Variants in MACROD2 observed in about 807,000 individuals in gnomAD.
MACROD2 encodes mono-ADP ribosylhydrolase 2.
Under a neutral mutation model 70.4 loss-of-function variants are expected in MACROD2, and 36 were observed. The ratio of observed to expected loss-of-function variants is 0.51; its 90% CI spans 0.39 to 0.68. The LOEUF is 0.68. Ranked by LOEUF, MACROD2 falls within the 30% of genes least tolerant of loss-of-function variation. The pLI is 0.00. For synonymous variants in MACROD2, 172 were observed against 178.8 expected (o/e 0.96, Z 0.30); for missense variants, 496 against 538.4 (o/e 0.92, Z 0.78).
At chr20:14,246,565 G>C (rs2081969713) in intron 3 of MACROD2, among the ~76,000 whole-genome samples, 1 of 152,064 alleles carries the variant, frequency 6.6e-6, no homozygotes, top group African/African-American at 2.4e-5. Flanking sequence ...CTGCCTCCTA[G>C]TTCTGCTTCT....
At chr20:14,270,563 T>A (rs1204285988) in intron 3 of MACROD2, among the ~76,000 whole-genome samples, 2 of 138,280 alleles carry the variant, frequency 1.4e-5, no homozygotes, top group African/African-American at 5.4e-5. Flanking sequence ...CACTCCAGCC[T>A]GGCAACAGAG....
intron 13 of MACROD2, among the ~76,000 whole-genome samples, chr20:15,974,015 C>T (rs139621407): frequency 1.4e-3 from 220 of 152,270 alleles, no homozygotes; most frequent in African/African-American, 5.0e-3. Flanking sequence ...AAATAGACTA[C>T]GGATGACATG....
intron 5 of MACROD2, among the ~76,000 whole-genome samples, chr20:15,195,942 G>A (rs1394439340): frequency 6.6e-6 from 1 of 152,156 alleles, no homozygotes; most frequent in Non-Finnish European, 1.5e-5. Context: ...GATATAGATG[G>A]AGCTGGAAAC....
intron 3 of MACROD2, among the ~76,000 whole-genome samples, chr20:14,193,860 G>A (rs2081408841): frequency 6.6e-6 from 1 of 152,124 alleles, no homozygotes; most frequent in Admixed American, 6.5e-5. Context: ...CTTAGTTGAG[G>A]CCAAATGGAA....
chr20:15,839,907 T>C (rs1321939003), intron 8 of MACROD2, among the ~76,000 whole-genome samples: 1 of 152,140 alleles, frequency 6.6e-6, no homozygotes, highest in African/African-American at 2.4e-5. Flanking sequence ...TTACTTAAAC[T>C]TTTTCTGCCT....
intron 5 of MACROD2, among the ~76,000 whole-genome samples, chr20:15,111,429 C>T (rs2075954743): frequency 6.6e-6 from 1 of 152,108 alleles, no homozygotes; most frequent in African/African-American, 2.4e-5. Context: ...CTTGGCCTCC[C>T]AAAGTGCTGG....
At chr20:14,616,685 A>ATGACTT (rs1983500943) in intron 4 of MACROD2, among the ~76,000 whole-genome samples, 2 of 152,088 alleles carry the variant, frequency 1.3e-5, no homozygotes, top group African/African-American at 4.8e-5. Context: ...GGGACATTGT[A>ATGACTT]TGACTTAATA....
At chr20:14,708,312 G>A (rs2071294432) in intron 5 of MACROD2, among the ~76,000 whole-genome samples, 1 of 152,144 alleles carries the variant, frequency 6.6e-6, no homozygotes, top group African/African-American at 2.4e-5. Context: ...CAGCTGTATG[G>A]TTTCACTTAT....
At chr20:15,095,415 C>A (rs950716668) in intron 5 of MACROD2, among the ~76,000 whole-genome samples, 7 of 151,602 alleles carry the variant, frequency 4.6e-5, no homozygotes, top group Admixed American at 3.9e-4. Context: ...TTTCTTGAAC[C>A]AACCTTTGCT....
chr20:15,313,027 TTA>T (rs2077770130), intron 6 of MACROD2, among the ~76,000 whole-genome samples: 1 of 152,190 alleles, frequency 6.6e-6, no homozygotes, highest in Admixed American at 6.5e-5. Flanking sequence ...ATTTATATAT[TTA>T]TATGTTTGCA....
At chr20:15,360,401 A>G (rs1282391911) in intron 6 of MACROD2, among the ~76,000 whole-genome samples, 2 of 152,188 alleles carry the variant, frequency 1.3e-5, no homozygotes, top group Non-Finnish European at 2.9e-5. Context: ...TGATTGCTGT[A>G]ACATATGCAA....
At chr20:15,143,751 T>C (rs2076209405) in intron 5 of MACROD2, among the ~76,000 whole-genome samples, 1 of 118,590 alleles carries the variant, frequency 8.4e-6, no homozygotes, top group Non-Finnish European at 1.8e-5. Flanking sequence ...TAATTATTTA[T>C]ATCTGTTAAT....
At chr20:15,241,289 A>G (rs1193964299) in intron 6 of MACROD2, among the ~76,000 whole-genome samples, 1 of 152,198 alleles carries the variant, frequency 6.6e-6, no homozygotes, top group Non-Finnish European at 1.5e-5. Flanking sequence ...AAAGTACTTG[A>G]GATATAGCTG....
At position 15,145,139 on chromosome 20, in the gene MACROD2, A is replaced by G. The variant is rs149006719; in HGVS notation, c.419-84801A>G. On this transcript the variant is annotated intron_variant, in intron 5 of 17. Coordinates refer to ENST00000684519, the MANE Select transcript of MACROD2 (RefSeq NM_001351661.2). ...CATACCCCGGGGTGAAGGCTGATGG[A>G]GCACAGCCATATGTGCAACAAGGAA... is the stretch of plus-strand genomic sequence containing the variant. Among the ~76,000 whole-genome samples, 961 of 152,288 alleles carry G rather than the reference A, an allele frequency of 6.3e-3. 9 individuals carry two copies. Among genetic ancestry groups the G allele is most frequent in the Non-Finnish European group, 9.1e-3 (617 of 68,024 alleles).
chr20:14,072,437 C>T (rs1206681206), intron 2 of MACROD2, among the ~76,000 whole-genome samples: 3 of 119,360 alleles, frequency 2.5e-5, no homozygotes, highest in Non-Finnish European at 5.4e-5. Flanking sequence ...GCCTTCTTAC[C>T]TGCGGAGCAT....
At chr20:15,985,359 G>T (rs1175914208) in intron 13 of MACROD2, among the ~76,000 whole-genome samples, 1 of 152,120 alleles carries the variant, frequency 6.6e-6, no homozygotes, top group African/African-American at 2.4e-5. Context: ...AAAGATTCAA[G>T]ACAAGTCAAA....
intron 5 of MACROD2, among the ~76,000 whole-genome samples, chr20:14,922,329 A>AT (rs1482699564): frequency 1.3e-5 from 2 of 152,036 alleles, no homozygotes. Context: ...CTACCTAGGT[A>AT]TTCATAAGGT....
chr20:14,005,049 A>G (rs180781595), intron 2 of MACROD2, among the ~76,000 whole-genome samples: 1 of 152,264 alleles, frequency 6.6e-6, no homozygotes, highest in Admixed American at 6.5e-5. Flanking sequence ...ATTATAATAC[A>G]ATAGAAAGTT....
At chr20:14,122,570 G>A (rs2054600890) in intron 3 of MACROD2, among the ~76,000 whole-genome samples, 1 of 152,116 alleles carries the variant, frequency 6.6e-6, no homozygotes. Flanking sequence ...TTCCCAAGGA[G>A]GATCTGATTA....
Sources: gnomAD v4.1 joint callset for allele counts (sites outside exome capture counted in the v4.1 genomes callset) on GRCh38, gnomAD v4.1.1 for gene constraint, MANE v1.5 for transcripts, NCBI Gene and HGNC (gene_info 2026-07-23, HGNC 2026-07-21) for gene names.